Variants in LAMC2 observed in about 807,000 individuals in gnomAD.
LAMC2 encodes the protein laminin subunit gamma 2.
In LAMC2, 97 loss-of-function variants were observed where a neutral mutation model predicts 140.2. The ratio of observed to expected loss-of-function variants is 0.69; its 90% CI spans 0.59 to 0.82. LAMC2 has a LOEUF of 0.82. Among genes scored for constraint, LAMC2 ranks in the 40% least tolerant of loss-of-function variants. The pLI is 0.00. For missense variants in LAMC2, 1,402 were observed against 1,476.1 expected, an observed-to-expected ratio of 0.95 and a Z score of 0.82; for synonymous variants, 513 against 540.2, an observed-to-expected ratio of 0.95 and a Z score of 0.70.
chr1:183,226,571 T>C lies in LAMC2; in HGVS notation c.1067-127T>C, dbSNP rs1659631504. The C allele has an allele frequency of 4.9e-6, 4 of 819,894 alleles. No individual in the cohort carries two copies. The Admixed American group carries it at 7.8e-5, about 16-fold the overall frequency. 50.8% of individuals were successfully genotyped at this position (819,894 alleles called of 1,614,324 possible). Reference sequence around the variant, plus strand: ...TGGGAGACTGCCATACCTCTCTACATGGCATGATATATGAACACCACCTGT... The same window carrying C: ...TGGGAGACTGCCATACCTCTCTACACGGCATGATATATGAACACCACCTGT... On this transcript the variant is annotated intron_variant, in intron 8 of 22. Coordinates refer to ENST00000264144, the MANE Select transcript of LAMC2 (RefSeq NM_005562.3).
Position 183,239,536 on chromosome 1 carries a change from C to T in LAMC2, c.3042C>T (p.Ala1014=). The change falls in exon 20 of 23, where the codon GCC becomes GCT. Residue 1014 remains alanine, a synonymous_variant. Coordinates refer to ENST00000264144, the MANE Select transcript of LAMC2 (RefSeq NM_005562.3). The stretch of plus-strand genomic sequence containing the variant: ...GGGCAAAGAATGGGGCCGGGGAGGC[C>T]CTGGAAATCTCCAGTGAGATTGAAC... The part of the protein sequence containing the change: ...AQRAKNGAGE[A]LEISSEIEQE... The T allele has an allele frequency of 6.2e-7, 1 of 1,613,652 alleles. No homozygotes were observed. The highest frequency in any genetic ancestry group is 8.5e-7 in the Non-Finnish European group (1 of 1,179,894).
intron 5 of LAMC2, among the ~76,000 whole-genome samples, chr1:183,221,652 C>T (rs919866323): frequency 9.9e-5 from 15 of 151,808 alleles, no homozygotes; most frequent in Admixed American, 3.9e-4. Context: ...TGGCGTGAAC[C>T]CGGGAGGCGG....
intron 1 of LAMC2, 82 bp from the exon 2 acceptor site, chr1:183,207,798 TA>T: frequency 4.3e-6 from 5 of 1,173,634 alleles, no homozygotes; most frequent in Non-Finnish European, 6.4e-6. Context: ...TTTCTATCAA[TA>T]ATAACATAAA....
At chr1:183,207,726 A>G (rs544712805) in intron 1 of LAMC2, among the ~76,000 whole-genome samples, 155 bp from the exon 2 acceptor site, 28 of 152,134 alleles carry the variant, frequency 1.8e-4, no homozygotes, top group South Asian at 4.1e-4. Context: ...TGCACTGCCA[A>G]TTGCACTCCC....
At position 183,239,627 on chromosome 1, in the gene LAMC2, A is replaced by G. The variant is rs1180163493; in HGVS notation, c.3069+64A>G. On this transcript the variant is annotated intron_variant, in intron 20 of 22. Coordinates refer to ENST00000264144, the MANE Select transcript of LAMC2 (RefSeq NM_005562.3). ...CCAAACACAAGGGTGGTGTGGAGGG[A>G]AAAAGAACATTGAGCTTATTTTAAC... The G allele has an allele frequency of 9.9e-6, 14 of 1,407,212 alleles. No homozygotes were observed. In the Admixed American group the frequency reaches 2.1e-4, roughly 21 times the overall value. The allele number at this position is 1,407,212 out of a possible 1,614,324, so 87.2% of individuals were successfully genotyped here. A position where few individuals can be genotyped will look rare whatever the true frequency, so the allele number is the denominator to read the frequency against.
At chr1:183,250,105 T>G (rs1248604858), downstream of LAMC2, 1 of 152,180 alleles carries the variant, frequency 6.6e-6, no homozygotes, top group Non-Finnish European at 1.5e-5. Flanking sequence ...ATTCCATCCA[T>G]AACTCCAAGT....
Position 183,218,484 on chromosome 1 carries a change from G to C in LAMC2, c.499G>C (p.Asp167His), listed in dbSNP as rs1168828606. Residue 167 changes from aspartate to histidine, a missense_variant, in exon 4 of 23, where the codon GAT (aspartate) becomes CAT (histidine). Physicochemically the swap from Asp to His is moderately conservative, Grantham distance 81. Around this residue, in one of 3 missense-constraint regions of LAMC2, gnomAD observed 723 missense variants for 783.3 expected, o/e 0.92. Coordinates refer to ENST00000264144, the MANE Select transcript of LAMC2 (RefSeq NM_005562.3). Reference sequence around the variant, plus strand: ...GCCAGCTGTCACTGGAGAACGCTGTGATAGGTCTGTGTGAACCGTGGCCCT... The same window carrying C: ...GCCAGCTGTCACTGGAGAACGCTGTCATAGGTCTGTGTGAACCGTGGCCCT... ...CKPAVTGERC[D>H]RCRSGYYNLD... 9.9e-6 allele frequency: 16 copies of C among 1,612,172 alleles called. No homozygotes were observed. Among genetic ancestry groups the C allele is most frequent in the African/African-American group, 5.3e-5 (4 of 74,878 alleles).
chr1:183,239,626 G>C (rs1660069677), intron 20 of LAMC2, 63 bp downstream of exon 20: 3 of 1,415,106 alleles, frequency 2.1e-6, no homozygotes, highest in Non-Finnish European at 2.9e-6. Flanking sequence ...GGTGTGGAGG[G>C]AAAAAGAACA....
intron 14 of LAMC2, 97 bp downstream of exon 14, chr1:183,232,954 C>T: frequency 8.9e-7 from 1 of 1,121,166 alleles, no homozygotes; most frequent in Middle Eastern, 2.1e-4. Context: ...CAGTGGCTCA[C>T]TTTCTGTTTC....
chr1:183,208,703 A>G (rs1658978159), intron 2 of LAMC2, among the ~76,000 whole-genome samples: 1 of 152,148 alleles, frequency 6.6e-6, no homozygotes, highest in South Asian at 2.1e-4. Context: ...TTTTTGAGAC[A>G]GGGTCTCACA....
intron 1 of LAMC2, among the ~76,000 whole-genome samples, chr1:183,188,670 T>G (rs1443219312): frequency 6.6e-6 from 1 of 152,212 alleles, no homozygotes; most frequent in African/African-American, 2.4e-5. Context: ...CACATTTCTT[T>G]AAAAAGTCCA....
chr1:183,245,491 C>T (rs1278436944), downstream of LAMC2, among the ~76,000 whole-genome samples: 2 of 152,200 alleles, frequency 1.3e-5, no homozygotes, highest in Non-Finnish European at 2.9e-5. Context: ...TTACATGTGA[C>T]TTCTAAGGTT....
intron 1 of LAMC2, among the ~76,000 whole-genome samples, chr1:183,201,151 G>A (rs940111348): frequency 2.6e-5 from 4 of 152,144 alleles, no homozygotes; most frequent in African/African-American, 9.7e-5. Flanking sequence ...CCTTGAAGAA[G>A]TGTCCCTGGC....
At chr1:183,199,737 G>T (rs569064116) in intron 1 of LAMC2, among the ~76,000 whole-genome samples, 87 of 152,302 alleles carry the variant, frequency 5.7e-4, no homozygotes, top group Non-Finnish European at 9.8e-4. Context: ...GAAGGTATCC[G>T]CAAGGAAGTG....
the LAMC2 span, among the ~76,000 whole-genome samples, chr1:183,257,900 GTTC>G: frequency 6.7e-6 from 1 of 149,888 alleles, no homozygotes; most frequent in African/African-American, 2.5e-5. Flanking sequence ...GGTTTAGTTT[GTTC>G]TTCTTTTTCT....
intron 13 of LAMC2, 28 bp from the exon 14 acceptor site, chr1:183,232,624 C>T: frequency 6.3e-7 from 1 of 1,593,916 alleles, no homozygotes; most frequent in South Asian, 1.1e-5. Context: ...AGAAAGTGCT[C>T]ATGCTCCCTT....
intron 1 of LAMC2, among the ~76,000 whole-genome samples, chr1:183,190,630 G>A (rs1298220890): frequency 2.0e-5 from 3 of 152,058 alleles, no homozygotes; most frequent in African/African-American, 7.2e-5. Context: ...TTCAAAGAAA[G>A]GATTTGGACA....
intron 17 of LAMC2, 104 bp from the exon 18 acceptor site, chr1:183,237,248 C>CT: frequency 7.5e-7 from 1 of 1,340,770 alleles, no homozygotes; most frequent in Non-Finnish European, 1.1e-6. Context: ...TTCTTGGCTT[C>CT]TTAAGGCTGT....
chr1:183,232,508 A>G (rs1659830450), intron 13 of LAMC2, 144 bp from the exon 14 acceptor site: 3 of 1,075,488 alleles, frequency 2.8e-6, no homozygotes, highest in Non-Finnish European at 4.2e-6. Flanking sequence ...TGGGATCTGA[A>G]TGATGGTGAT....
Sources: allele counts gnomAD v4.1 joint callset (sites outside exome capture counted in the v4.1 genomes callset), GRCh38; gene constraint gnomAD v4.1.1; regional missense constraint gnomAD v4.1.1; transcripts MANE v1.5; gene names NCBI Gene and HGNC (gene_info 2026-07-23, HGNC 2026-07-21).